AKAP9: variants seen among roughly 807,000 people sequenced by gnomAD.
The protein encoded by AKAP9 is A-kinase anchor protein 9.
In AKAP9, 311 loss-of-function variants were observed where a neutral mutation model predicts 488.5. The ratio of observed to expected loss-of-function variants is 0.64; its 90% CI spans 0.58 to 0.70. AKAP9 has a LOEUF of 0.70. Among genes scored for constraint, AKAP9 ranks in the 30% least tolerant of loss-of-function variants. The pLI, the probability that AKAP9 is intolerant of heterozygous loss-of-function variation, is 0.00. For synonymous variants in AKAP9, 1,462 were observed against 1,483.5 expected, an observed-to-expected ratio of 0.99 and a Z score of 0.33; for missense variants, 4,215 against 4,374.5, an observed-to-expected ratio of 0.96 and a Z score of 1.03.
rs757137701 is a variant in AKAP9 at position 92,042,177 on chromosome 7, G to A, written c.5049G>A (p.Thr1683=). 7.4e-6 allele frequency: 12 copies of A among 1,613,784 alleles called. No individual in the cohort carries two copies. The highest frequency in any genetic ancestry group is 4.4e-5 in the South Asian group (4 of 91,078). Residue 1683 remains threonine (T), a synonymous_variant, in exon 19 of 50, where the codon ACG becomes ACA. Transcript: ENST00000356239. ...GTTGTGAGCTGCGCAACAGCAGTAC[G>A]CAAACACAGGTAGTATGGACTTTGC... ...KLCCELRNSS[T]QTQNGNENQG... is the part of the protein sequence containing the mutation.
intron 1 of AKAP9, 115 bp downstream of exon 1, chr7:91,941,262 G>C: frequency 2.0e-6 from 2 of 1,001,796 alleles, no homozygotes; most frequent in Non-Finnish European, 3.1e-6. Context: ...CGAGAGGGAG[G>C]TGCTGCAGGG....
chr7:91,984,503 A>G (rs1157546535), intron 3 of AKAP9, among the ~76,000 whole-genome samples: 1 of 152,186 alleles, frequency 6.6e-6, no homozygotes, highest in Non-Finnish European at 1.5e-5. Flanking sequence ...CTGTTTTGGT[A>G]CCAGTATCAT....
chr7:92,092,126 T>TA (rs541210394), intron 38 of AKAP9: 183 of 152,330 alleles, frequency 1.2e-3, no homozygotes, highest in African/African-American at 4.1e-3. Flanking sequence ...CATGTGTACA[T>TA]AAGCTTGTAT....
In AKAP9 at chr7:92,042,739, A is replaced by G; in HGVS notation, c.5130A>G (p.Glu1710=). 6.2e-7 allele frequency: 1 copy of G among 1,611,830 alleles called. No individual in the cohort carries two copies. Among genetic ancestry groups the G allele is most frequent in the Non-Finnish European group, 8.5e-7 (1 of 1,178,442 alleles). ...AAAAGGAATTAGACAGAAAACCTGA[A>G]GATGTGCCTCCTGAGATTTTGTCTA... ...FKEKELDRKP[E]DVPPEILSNE... is the part of the protein sequence containing the mutation. Residue 1710 remains glutamate, a synonymous_variant, in exon 20 of 50, where the codon GAA becomes GAG. Transcript: ENST00000356239.
Position 92,003,062 on chromosome 7 carries a change from ATGG to A in AKAP9, c.3149_3151del (p.Val1050del). 7 of 1,613,060 alleles carry A rather than the reference ATGG, an allele frequency of 4.3e-6. No individual in the cohort carries two copies. The highest frequency in any genetic ancestry group is 5.9e-6 in the Non-Finnish European group (7 of 1,179,550). ...AAGTTTTGGTGAAGAATCAAAAATA[ATGG>A]TGGAAGATAAAGTTTCTTTTGAAAA... On this transcript the variant is annotated inframe_deletion, in exon 8 of 50. Coordinates refer to ENST00000356239, the MANE Select transcript of AKAP9 (RefSeq NM_005751.5).
At chr7:92,008,315 C>T (rs531326497) in intron 8 of AKAP9, among the ~76,000 whole-genome samples, 4 of 151,360 alleles carry the variant, frequency 2.6e-5, no homozygotes, top group South Asian at 2.1e-4. Context: ...TGCAGTGAGC[C>T]GAGATCGCGC....
intron 22 of AKAP9, 51 bp downstream of exon 22, chr7:92,053,009 A>G (rs763521126): frequency 2.8e-5 from 40 of 1,440,846 alleles, no homozygotes; most frequent in South Asian, 1.5e-4. Context: ...ACAATATACT[A>G]TCCCACTCTC....
chr7:92,017,484 T>G (rs557755024), intron 12 of AKAP9, among the ~76,000 whole-genome samples: 1 of 152,124 alleles, frequency 6.6e-6, no homozygotes, highest in Non-Finnish European at 1.5e-5. Flanking sequence ...GCATTATACA[T>G]GTCAATTTTA....
In AKAP9 at chr7:92,045,204, C is replaced by T. The variant is rs774153068; in HGVS notation, c.5359C>T (p.His1787Tyr). 6.2e-7 allele frequency: 1 copy of T among 1,613,584 alleles called. No homozygotes were observed. The highest frequency in any genetic ancestry group is 1.1e-5 in the South Asian group (1 of 91,078). Residue 1787 changes from histidine (H) to tyrosine (Y), a missense_variant, in exon 21 of 50, where the codon CAT becomes TAT. By Grantham distance (83) the His-to-Tyr change is moderately conservative. Transcript: ENST00000356239. ...ASVKSCVHEE[H>Y]TRVTDESIPS... is the part of the protein sequence containing the mutation. ...TGTAAAGTCATGTGTCCATGAGGAA[C>T]ATACAAGAGGTACTAGTTTTCTGTG...
At chr7:92,038,165 T>C (rs1297582943) in intron 16 of AKAP9, among the ~76,000 whole-genome samples, 2 of 152,168 alleles carry the variant, frequency 1.3e-5, no homozygotes, top group Non-Finnish European at 2.9e-5. Flanking sequence ...TTACTGAACA[T>C]TTATGTCTGT....
In AKAP9 at chr7:91,994,671, G is replaced by C. The variant is rs774087605; in HGVS notation, c.627G>C (p.Gln209His). The change falls in exon 6 of 50, where the codon CAG (glutamine) becomes CAC (histidine). Residue 209 changes from glutamine to histidine, a missense_variant. Around this residue, in one of 5 missense-constraint regions of AKAP9, gnomAD observed 2,361 missense variants for 2,430.0 expected, o/e 0.97. Transcript: ENST00000356239. Reference sequence around the variant, plus strand: ...AACAAAGAGATGGCATTATAACCCAGCTCACTGCTAATTTACAACAAGCAA... The same window carrying C: ...AACAAAGAGATGGCATTATAACCCACCTCACTGCTAATTTACAACAAGCAA... ...AIKQRDGIIT[Q>H]LTANLQQARR... 12 of 1,613,342 alleles carry C rather than the reference G, an allele frequency of 7.4e-6. No homozygotes were observed. The South Asian group carries it at 9.9e-5, about 13-fold the overall frequency.
At chr7:92,084,766 G>A in intron 34 of AKAP9, 53 bp from the exon 35 acceptor site, 1 of 1,607,022 alleles carries the variant, frequency 6.2e-7, no homozygotes, top group Middle Eastern at 1.7e-4. Context: ...GTTTTTTGGG[G>A]ACTGGGGTTT....
chr7:92,029,380 C>CT (rs1170027148), intron 14 of AKAP9, among the ~76,000 whole-genome samples: 1 of 152,154 alleles, frequency 6.6e-6, no homozygotes, highest in African/African-American at 2.4e-5. Context: ...GATAATCAAA[C>CT]TTTTTGTATC....
At chr7:92,010,183 G>A (rs553313956) in intron 8 of AKAP9, among the ~76,000 whole-genome samples, 1 of 152,352 alleles carries the variant, frequency 6.6e-6, no homozygotes, top group South Asian at 2.1e-4. Flanking sequence ...ACCTTCTTGG[G>A]AGGCCGGGAG....
At chr7:92,109,238 A>C (rs1818995436) in intron 49 of AKAP9, among the ~76,000 whole-genome samples, 1 of 152,204 alleles carries the variant, frequency 6.6e-6, no homozygotes, top group Non-Finnish European at 1.5e-5. Context: ...AAAACAAAAA[A>C]CAAGTCATAC....
At chr7:91,996,507 C>T (rs906928356) in intron 7 of AKAP9, among the ~76,000 whole-genome samples, 1 of 152,104 alleles carries the variant, frequency 6.6e-6, no homozygotes, top group Admixed American at 6.6e-5. Context: ...TGCACTACCT[C>T]GGGTCCTCTC....
In AKAP9 at chr7:92,093,271, C is replaced by T; in HGVS notation, c.9533C>T (p.Thr3178Ile). 1.9e-6 allele frequency: 3 copies of T among 1,614,098 alleles called. No individual in the cohort carries two copies. Among genetic ancestry groups the T allele is most frequent in the East Asian group, 2.2e-5 (1 of 44,880 alleles). Reference protein sequence around the residue: ...LAQTKLELETTLKAQHKHLKE... With the variant: ...LAQTKLELETILKAQHKHLKE... ...CAAACTAAATTGGAACTAGAAACAA[C>T]ACTCAAGGCACAGCATAAACACCTA... The change falls in exon 39 of 50, where the codon ACA becomes ATA. Residue 3178 changes from threonine to isoleucine, a missense_variant. Transcript: ENST00000356239.
chr7:91,975,698 A>C (rs2130569841), intron 2 of AKAP9, among the ~76,000 whole-genome samples: 1 of 151,988 alleles, frequency 6.6e-6, no homozygotes, highest in South Asian at 2.1e-4. Flanking sequence ...TCCTTGTATT[A>C]TTTCTCCTAA....
chr7:92,034,494 A>ATTTTTTT (rs1161686473), intron 16 of AKAP9, among the ~76,000 whole-genome samples: 1 of 89,700 alleles, frequency 1.1e-5, no homozygotes, highest in Non-Finnish European at 2.2e-5. Context: ...ATATATATAT[A>ATTTTTTT]TATATTTTTT....
Sources: allele counts gnomAD v4.1 joint callset (sites outside exome capture counted in the v4.1 genomes callset), GRCh38; gene constraint gnomAD v4.1.1; regional missense constraint gnomAD v4.1.1; transcripts MANE v1.5; gene names NCBI Gene and HGNC (gene_info 2026-07-23, HGNC 2026-07-21).